Variants in DCC observed in about 807,000 individuals in gnomAD.
DCC encodes the protein netrin receptor DCC.
Under a neutral mutation model 172.5 loss-of-function variants are expected in DCC, and 58 were observed. The ratio of observed to expected loss-of-function variants is 0.34; its 90% CI spans 0.27 to 0.42. The LOEUF is 0.42. Among genes scored for constraint, DCC ranks in the 10% least tolerant of loss-of-function variants. DCC has a pLI of 1.00. For missense variants in DCC, 1,740 were observed against 1,791.0 expected (o/e 0.97, Z 0.51); for synonymous variants, 709 against 644.5 (o/e 1.10, Z -1.52).
chr18:52,917,161 A>G (rs1409221270), intron 3 of DCC, among the ~76,000 whole-genome samples: 2 of 151,280 alleles, frequency 1.3e-5, no homozygotes, highest in Non-Finnish European at 2.9e-5. Flanking sequence ...CAAGAAAAAA[A>G]TAAAAAATAT....
rs376144396 is a variant in DCC, at chr18:52,881,413, G to T, written c.413-24631G>T. On this transcript the variant is annotated intron_variant, in intron 2 of 28. Transcript: ENST00000442544. ...CCTATGCTTATGGGATGTTACTCAA[G>T]AAATTTTTGCACAGACCAAGGTTCT... Among the ~76,000 whole-genome samples, 18 of 152,198 alleles carry T rather than the reference G, an allele frequency of 1.2e-4. No homozygotes were observed. The East Asian group carries it at 2.5e-3, about 21-fold the overall frequency.
At chr18:52,899,801 T>C (rs2039784469) in intron 2 of DCC, among the ~76,000 whole-genome samples, 1 of 152,186 alleles carries the variant, frequency 6.6e-6, no homozygotes. Flanking sequence ...AAGGCTCCTC[T>C]AACTAATTCT....
intron 2 of DCC, among the ~76,000 whole-genome samples, chr18:52,860,527 T>C (rs1042979890): frequency 4.6e-5 from 7 of 152,362 alleles, no homozygotes; most frequent in East Asian, 3.9e-4. Context: ...TAAAAACATA[T>C]GTACTACAGT....
At chr18:52,853,862 T>G (rs2145345902) in intron 2 of DCC, among the ~76,000 whole-genome samples, 1 of 152,292 alleles carries the variant, frequency 6.6e-6, no homozygotes, top group South Asian at 2.1e-4. Flanking sequence ...CCTGCCTAAC[T>G]TCGGGGTAGG....
rs1363875274 is a variant in DCC at position 52,925,348 on chromosome 18, C to G, written c.963C>G (p.Ala321=). The G allele has an allele frequency of 6.2e-7, 1 of 1,612,232 alleles. No individual in the cohort carries two copies. Among genetic ancestry groups the G allele is most frequent in the Non-Finnish European group, 8.5e-7 (1 of 1,178,750 alleles). Residue 321 remains alanine, a synonymous_variant, in exon 5 of 29, where the codon GCC becomes GCG. Transcript: ENST00000442544. Reference sequence around the variant, plus strand: ...CATATAAAAATGAGAATATTAGTGCCTCTGCAGAGCTCACAGTCTTGGGTA... The same window carrying G: ...CATATAAAAATGAGAATATTAGTGCGTCTGCAGAGCTCACAGTCTTGGGTA... The part of the protein sequence containing the change: ...VVTYKNENIS[A]SAELTVLVPP...
intron 1 of DCC, among the ~76,000 whole-genome samples, chr18:52,341,677 G>A (rs1394512112): frequency 1.3e-5 from 2 of 152,188 alleles, no homozygotes; most frequent in African/African-American, 4.8e-5. Context: ...AGGAGAAAGA[G>A]GGACCTGGAG....
intron 22 of DCC, 36 bp from the exon 23 acceptor site, chr18:53,450,464 C>T: frequency 1.2e-6 from 2 of 1,612,488 alleles, no homozygotes; most frequent in Non-Finnish European, 1.7e-6. Context: ...GCCACATCTT[C>T]CTAAACCTGA....
At chr18:53,453,204 C>G (rs182630124) in intron 23 of DCC, among the ~76,000 whole-genome samples, 1 of 152,118 alleles carries the variant, frequency 6.6e-6, no homozygotes, top group Admixed American at 6.5e-5. Context: ...TGTGAGCCAC[C>G]GCGCCCGGCC....
At chr18:53,036,160 CA>C (rs1315744880) in intron 5 of DCC, among the ~76,000 whole-genome samples, 6 of 151,872 alleles carry the variant, frequency 4.0e-5, no homozygotes, top group South Asian at 2.1e-4. Context: ...ATTAGGTTTA[CA>C]AAAAATTTAA....
rs185619070 is a variant in DCC, at chr18:53,368,211, G to C, written c.2360-17832G>C. ...ATTAGGGATGTTGAACTCTTTTCTTGTACTTATTGGCCATTGTATATCCTC... is the reference window on the plus strand; with the variant it reads ...ATTAGGGATGTTGAACTCTTTTCTTCTACTTATTGGCCATTGTATATCCTC... On this transcript the variant is annotated intron_variant, in intron 15 of 28. Coordinates refer to ENST00000442544, the MANE Select transcript of DCC (RefSeq NM_005215.4). Among the ~76,000 whole-genome samples, 22 of 152,088 alleles carry C rather than the reference G, an allele frequency of 1.4e-4. No individual in the cohort carries two copies. The East Asian group carries it at 4.1e-3, about 28-fold the overall frequency.
At chr18:53,053,166 C>CAAACA (rs1452852911) in intron 5 of DCC, among the ~76,000 whole-genome samples, 1 of 151,912 alleles carries the variant, frequency 6.6e-6, no homozygotes. Context: ...AACAAACAAA[C>CAAACA]AAACAAAACA....
intron 1 of DCC, among the ~76,000 whole-genome samples, chr18:52,503,504 A>G (rs2031110408): frequency 6.6e-6 from 1 of 152,192 alleles, no homozygotes; most frequent in East Asian, 1.9e-4. Context: ...AATATACAGT[A>G]GGAAAAGCAT....
At chr18:52,846,813 T>G (rs16955692) in intron 2 of DCC, among the ~76,000 whole-genome samples, 3,739 of 152,194 alleles carry the variant, frequency 0.025, 139 homozygotes, top group African/African-American at 0.082. Flanking sequence ...CAACAGGAGT[T>G]CAATAACCAT....
chr18:52,365,645 C>A (rs960833394), intron 1 of DCC, among the ~76,000 whole-genome samples: 1 of 152,102 alleles, frequency 6.6e-6, no homozygotes, highest in Non-Finnish European at 1.5e-5. Flanking sequence ...GCAACTAAGT[C>A]CTCCTTCTCC....
intron 1 of DCC, among the ~76,000 whole-genome samples, chr18:52,446,072 A>G (rs977276793): frequency 2.6e-5 from 4 of 152,086 alleles, no homozygotes; most frequent in Non-Finnish European, 4.4e-5. Flanking sequence ...AGCTGGGACT[A>G]CAGGCGCCCG....
chr18:53,275,777 G>T (rs1490180362), intron 12 of DCC, among the ~76,000 whole-genome samples: 4 of 151,950 alleles, frequency 2.6e-5, no homozygotes, highest in Non-Finnish European at 4.4e-5. Context: ...TATACAAAAG[G>T]GTCATCGCTG....
intron 1 of DCC, among the ~76,000 whole-genome samples, chr18:52,497,280 AATATAT>A (rs1172366771): frequency 4.6e-5 from 1 of 21,570 alleles, no homozygotes; most frequent in African/African-American, 1.4e-4. Context: ...AAAAAAAAAA[AATATAT>A]ATATATATAT....
intron 1 of DCC, among the ~76,000 whole-genome samples, chr18:52,486,792 A>G (rs1340461924): frequency 1.3e-5 from 2 of 152,168 alleles, no homozygotes; most frequent in Admixed American, 6.5e-5. Context: ...ATTCTGCCCA[A>G]TGACAGATGT....
At chr18:52,528,850 G>A (rs182592127) in intron 1 of DCC, among the ~76,000 whole-genome samples, 14 of 152,138 alleles carry the variant, frequency 9.2e-5, no homozygotes, top group East Asian at 1.9e-4. Flanking sequence ...ATAAAAATAC[G>A]ACTGGTTTAG....
Sources: allele counts gnomAD v4.1 joint callset (sites outside exome capture counted in the v4.1 genomes callset), GRCh38; gene constraint gnomAD v4.1.1; transcripts MANE v1.5; gene names NCBI Gene and HGNC (gene_info 2026-07-23, HGNC 2026-07-21).